SHANK2: variants seen among roughly 807,000 people sequenced by gnomAD.
SHANK2 encodes the protein SH3 and multiple ankyrin repeat domains 2.
Under a neutral mutation model 133.7 loss-of-function variants are expected in SHANK2, and 43 were observed. The ratio of observed to expected loss-of-function variants is 0.32; its 90% CI spans 0.25 to 0.41. The LOEUF is 0.41. SHANK2 is among the 10% of genes least tolerant of loss of function. SHANK2 has a pLI of 1.00. For missense variants in SHANK2, 1,994 were observed against 2,235.8 expected (o/e 0.89, Z 2.18); for synonymous variants, 1,017 against 952.8 (o/e 1.07, Z -1.24).
intron 15 of SHANK2, among the ~76,000 whole-genome samples, chr11:70,670,529 C>T (rs542396895): frequency 2.0e-5 from 3 of 152,318 alleles, no homozygotes; most frequent in Middle Eastern, 3.4e-3. Context: ...GCTCGACAGG[C>T]GGGGCAGGCT....
chr11:70,679,071 C>G (rs1413824493), intron 15 of SHANK2, among the ~76,000 whole-genome samples: 1 of 152,202 alleles, frequency 6.6e-6, no homozygotes, highest in African/African-American at 2.4e-5. Context: ...AGGCCCGTAA[C>G]AGGTGACGGC....
intron 14 of SHANK2, among the ~76,000 whole-genome samples, chr11:70,795,885 T>A (rs1376553700): frequency 2.6e-5 from 4 of 152,196 alleles, no homozygotes; most frequent in Non-Finnish European, 5.9e-5. Context: ...CAGAAAGGAA[T>A]GCAGCCCTGC....
chr11:70,767,164 C>A (rs1555041586), intron 14 of SHANK2, among the ~76,000 whole-genome samples: 1 of 152,192 alleles, frequency 6.6e-6, no homozygotes, highest in Non-Finnish European at 1.5e-5. Context: ...TTAGGCCAAG[C>A]AGCTGGGAGA....
chr11:71,226,580 CTG>C (rs1954648148), intron 1 of SHANK2: 1 of 152,108 alleles, frequency 6.6e-6, no homozygotes, highest in Non-Finnish European at 1.5e-5. Flanking sequence ...TCATCAGAAA[CTG>C]TGGAGACCAA....
intron 17 of SHANK2, among the ~76,000 whole-genome samples, chr11:70,564,345 GCCT>G (rs1554981471): frequency 6.6e-6 from 1 of 150,964 alleles, no homozygotes; most frequent in Non-Finnish European, 1.5e-5. Flanking sequence ...TGCAACCTCC[GCCT>G]CCTGGGTTCA....
intron 17 of SHANK2, among the ~76,000 whole-genome samples, chr11:70,638,391 C>T (rs2061134078): frequency 6.6e-6 from 1 of 152,202 alleles, no homozygotes; most frequent in Non-Finnish European, 1.5e-5. Flanking sequence ...CGCCCGGCCC[C>T]GCTTGCAGAT....
chr11:71,066,830 C>T (rs988138769), intron 9 of SHANK2, among the ~76,000 whole-genome samples: 13 of 152,152 alleles, frequency 8.5e-5, no homozygotes, highest in Non-Finnish European at 8.8e-5. Flanking sequence ...GACCAGCCCA[C>T]CCCTTGAAGA....
intron 12 of SHANK2, among the ~76,000 whole-genome samples, chr11:70,808,949 C>A (rs891722174): frequency 6.6e-6 from 1 of 152,190 alleles, no homozygotes; most frequent in Non-Finnish European, 1.5e-5. Context: ...GAACTCATAT[C>A]CGTTCTTGCT....
At chr11:70,863,423 G>C in intron 11 of SHANK2, 1 of 457,940 alleles carries the variant, frequency 2.2e-6, no homozygotes. Flanking sequence ...CCTCTGCTCG[G>C]TGCCCTGGGA....
chr11:71,104,843 G>A (rs2135186427), intron 6 of SHANK2, among the ~76,000 whole-genome samples: 2 of 152,356 alleles, frequency 1.3e-5, no homozygotes, highest in South Asian at 2.1e-4. Flanking sequence ...GGTGGTGTGA[G>A]ACCAGGGCCA....
intron 11 of SHANK2, among the ~76,000 whole-genome samples, chr11:70,824,796 G>A (rs1373355151): frequency 3.3e-5 from 5 of 152,238 alleles, no homozygotes; most frequent in Non-Finnish European, 5.9e-5. Context: ...GGAACTGCCT[G>A]TCATTGGAGG....
At chr11:71,242,818 C>T (rs774277546) in intron 1 of SHANK2, among the ~76,000 whole-genome samples, 3 of 152,198 alleles carry the variant, frequency 2.0e-5, no homozygotes, top group Non-Finnish European at 2.9e-5. Context: ...CCAGGAGAGG[C>T]CTCATGCCCG....
intron 2 of SHANK2, among the ~76,000 whole-genome samples, chr11:71,162,973 T>TGAGGCAGGAGAATGGCGTGAACCTGG (rs1555110144): frequency 2.0e-5 from 3 of 148,512 alleles, no homozygotes; most frequent in African/African-American, 7.5e-5. Flanking sequence ...CTCGGGAGGC[T>TGAGGCAGGAGAATGGCGTGAACCTGG]GAGGCAGGAG....
intron 17 of SHANK2, among the ~76,000 whole-genome samples, chr11:70,627,252 C>T (rs1555000281): frequency 6.6e-6 from 1 of 152,212 alleles, no homozygotes; most frequent in African/African-American, 2.4e-5. Flanking sequence ...GAGCCGGCGG[C>T]TGCAGGGACG....
chr11:70,571,759 A>C (rs2060048196), intron 17 of SHANK2, among the ~76,000 whole-genome samples: 1 of 151,744 alleles, frequency 6.6e-6, no homozygotes, highest in Admixed American at 6.6e-5. Flanking sequence ...GTGCAGGGAG[A>C]AGTGATGAAC....
At chr11:70,776,892 C>CTCAT in intron 14 of SHANK2, among the ~76,000 whole-genome samples, 1 of 151,278 alleles carries the variant, frequency 6.6e-6, no homozygotes, top group African/African-American at 2.4e-5. Flanking sequence ...CATCCACCCA[C>CTCAT]CCACTCACCC....
chr11:70,576,832 T>C (rs1554984390), intron 17 of SHANK2, among the ~76,000 whole-genome samples: 1 of 152,182 alleles, frequency 6.6e-6, no homozygotes, highest in African/African-American at 2.4e-5. Context: ...TTTTCTCCCC[T>C]ACTAAATAGG....
chr11:70,948,197 A>G, intron 10 of SHANK2: 2 of 428,040 alleles, frequency 4.7e-6, no homozygotes, highest in South Asian at 3.2e-5. Context: ...TCGCTTCCGC[A>G]TTGCCAGCTC....
intron 14 of SHANK2, among the ~76,000 whole-genome samples, chr11:70,744,296 T>A (rs1324526978): frequency 6.6e-6 from 1 of 151,774 alleles, no homozygotes; most frequent in Admixed American, 6.5e-5. Flanking sequence ...CCCAGGGAGG[T>A]CTTTCCATGA....
Sources: gnomAD v4.1 joint callset for allele counts (sites outside exome capture counted in the v4.1 genomes callset) on GRCh38, gnomAD v4.1.1 for gene constraint, MANE v1.5 for transcripts, NCBI Gene and HGNC (gene_info 2026-07-23, HGNC 2026-07-21) for gene names.